The following NAB2 variants were observed in gnomAD, a reference collection of about 807,000 sequenced individuals.
The protein encoded by NAB2 is NGFI-A-binding protein 2.
Under a neutral mutation model 44.2 loss-of-function variants are expected in NAB2, and 9 were observed. The ratio of observed to expected loss-of-function variants is 0.20; its 90% CI spans 0.12 to 0.36. NAB2 has a LOEUF of 0.36. Ranked by LOEUF, NAB2 falls within the 10% of genes least tolerant of loss-of-function variation. NAB2 has a pLI of 1.00. For synonymous variants in NAB2, 342 were observed against 291.0 expected, an observed-to-expected ratio of 1.18 and a Z score of -1.78; for missense variants, 514 against 709.0, an observed-to-expected ratio of 0.73 and a Z score of 3.12.
chr12:57,094,791 C>A lies in NAB2; in HGVS notation c.*70C>A. On this transcript the variant is annotated 3_prime_UTR_variant, in exon 7 of 7. Coordinates refer to ENST00000300131, the MANE Select transcript of NAB2 (RefSeq NM_005967.4). The stretch of plus-strand genomic sequence containing the variant: ...TCACACAGACCCCCACGCTCTCCAT[C>A]CCCGGAATCTAGTCACAACCCTGGA... 7.8e-7 allele frequency: 1 copy of A among 1,285,436 alleles called. No individual in the cohort carries two copies. The highest frequency in any genetic ancestry group is 1.1e-6 in the Non-Finnish European group (1 of 930,368). The allele number at this position is 1,285,436 out of a possible 1,614,324, so 79.6% of individuals were successfully genotyped here.
intron 3 of NAB2, 53 bp downstream of exon 3, chr12:57,092,634 G>C (rs1171897299): frequency 1.2e-5 from 20 of 1,600,716 alleles, no homozygotes; most frequent in Admixed American, 1.7e-5. Flanking sequence ...TATGGAGTTA[G>C]ATCATGTCCT....
At chr12:57,093,274 G>A in intron 5 of NAB2, 79 bp downstream of exon 5, 1 of 1,499,728 alleles carries the variant, frequency 6.7e-7, no homozygotes, top group South Asian at 1.3e-5. Context: ...AGTGAGCCAG[G>A]AGGCAGTGCC....
At chr12:57,092,296 C>G in intron 2 of NAB2, 152 bp from the exon 3 acceptor site, 1 of 1,219,508 alleles carries the variant, frequency 8.2e-7, no homozygotes. Context: ...CCTCTGTCTT[C>G]CCACCTCAGA....
Position 57,094,528 on chromosome 12 carries a change from T to C in NAB2, c.1469-84T>C, listed in dbSNP as rs1273374478. On this transcript the variant is annotated intron_variant, in intron 6 of 6. Transcript: ENST00000300131. ...TAAACTGAGCCCATCTTCACAGCTT[T>C]CTTTGCCCCTGCTTCTGTTCCCAAC... The C allele has an allele frequency of 3.6e-6, 4 of 1,096,008 alleles. No individual in the cohort carries two copies. In the East Asian group the frequency reaches 1.0e-4, roughly 28 times the overall value. 67.9% of individuals were successfully genotyped at this position (1,096,008 alleles called of 1,614,324 possible). A position where few individuals can be genotyped will look rare whatever the true frequency, so the allele number is the denominator to read the frequency against.
rs2033195553 is a variant in NAB2, at chr12:57,091,869, G to A, written c.828G>A (p.Arg276=). 2 of 1,614,204 alleles carry A rather than the reference G, an allele frequency of 1.2e-6. No individual in the cohort carries two copies. The highest frequency in any genetic ancestry group is 1.7e-6 in the Non-Finnish European group (2 of 1,180,024). ...SLLKLNKKLA[R]SVGHIFEMDD... is the part of the protein sequence containing the mutation. ...TAAAGCTGAATAAGAAGCTGGCACG[G>A]AGCGTTGGGCACATCTTTGAGATGG... is the stretch of plus-strand genomic sequence containing the variant. The change falls in exon 2 of 7, where the codon CGG becomes CGA. Residue 276 remains arginine, a synonymous_variant. Transcript: ENST00000300131. The surrounding 1 kb of genome is among the most constrained non-coding windows in gnomAD (Gnocchi z 7.3).
At chr12:57,089,982 A>G (rs1479261285) in intron 1 of NAB2, among the ~76,000 whole-genome samples, 1 of 152,160 alleles carries the variant, frequency 6.6e-6, no homozygotes, top group Non-Finnish European at 1.5e-5. Flanking sequence ...TCGCCTACAG[A>G]CGCTACCACT....
At chr12:57,092,659 G>A in intron 3 of NAB2, 78 bp downstream of exon 3, 11 of 1,547,000 alleles carry the variant, frequency 7.1e-6, no homozygotes, top group Non-Finnish European at 7.9e-6. Flanking sequence ...TTCAGCTCAG[G>A]CAGCTCTAGG....
At chr12:57,090,203 C>T (rs1010020159) in intron 1 of NAB2, among the ~76,000 whole-genome samples, 5 of 152,094 alleles carry the variant, frequency 3.3e-5, no homozygotes, top group African/African-American at 9.7e-5. Flanking sequence ...TTAACCAGGC[C>T]GGGCGGGCCC....
In NAB2 at chr12:57,091,305, C is replaced by T. The variant is rs764780404; in HGVS notation, c.264C>T (p.Gly88=). ...TTCTGGAGATCATGGCACTTGTGGG[C>T]ATGGCCACCAAGCCCCTCCATGTCC... ...EEFLEIMALV[G]MATKPLHVRR... The change falls in exon 2 of 7, where the codon GGC becomes GGT. Residue 88 remains glycine, a synonymous_variant. Coordinates refer to ENST00000300131, the MANE Select transcript of NAB2 (RefSeq NM_005967.4). This position sits in a 1 kb window ranked among gnomAD's most constrained non-coding sequence, Gnocchi z 7.3. 6.2e-7 allele frequency: 1 copy of T among 1,611,190 alleles called. No individual in the cohort carries two copies. The highest frequency in any genetic ancestry group is 8.5e-7 in the Non-Finnish European group (1 of 1,177,476).
At chr12:57,092,881 C>T in intron 3 of NAB2, 36 bp from the exon 4 acceptor site, 1 of 1,612,628 alleles carries the variant, frequency 6.2e-7, no homozygotes, top group Non-Finnish European at 8.5e-7. Context: ...TGGCCCTCGT[C>T]AGCCTCATCC....
chr12:57,093,104 A>G lies in NAB2; in HGVS notation c.1185A>G (p.Pro395=), dbSNP rs762597382. 1.9e-6 allele frequency: 3 copies of G among 1,612,996 alleles called. No individual in the cohort carries two copies. The highest frequency in any genetic ancestry group is 2.5e-6 in the Non-Finnish European group (3 of 1,179,340). The change falls in exon 5 of 7, where the codon CCA becomes CCG. Residue 395 remains proline, a synonymous_variant. Transcript: ENST00000300131. ...ACCCTGAAATCCAGCAGCCTCCCCC[A>G]GGCCCTGAGTCCTATGTACCCCCAT... ...QSHPEIQQPP[P]GPESYVPPYR... is the part of the protein sequence containing the mutation.
rs1382752841 is a variant in NAB2, at chr12:57,093,553, G to A, written c.1423G>A (p.Val475Met). The change falls in exon 6 of 7, where the codon GTG becomes ATG. Residue 475 changes from valine (V) to methionine (M), a missense_variant. Around this residue, in one of 5 missense-constraint regions of NAB2, gnomAD observed 194 missense variants for 223.9 expected, o/e 0.87. Coordinates refer to ENST00000300131, the MANE Select transcript of NAB2 (RefSeq NM_005967.4). ...RLARLVSHDR[V>M]GRLSPCVPAK... ...CGCCCGCCTCGTCTCCCACGACCGC[G>A]TGGGCCGCCTCAGCCCCTGTGTGCC... is the stretch of plus-strand genomic sequence containing the variant. 6 of 1,546,208 alleles carry A rather than the reference G, an allele frequency of 3.9e-6. No homozygotes were observed. The highest frequency in any genetic ancestry group is 1.4e-5 in the African/African-American group (1 of 73,208).
In NAB2 at chr12:57,094,938, C is replaced by T; in HGVS notation, c.*217C>T. 1 of 567,244 alleles carries T rather than the reference C, an allele frequency of 1.8e-6. No individual in the cohort carries two copies. Among genetic ancestry groups the T allele is most frequent in the Admixed American group, 3.3e-5 (1 of 30,556 alleles). 35.1% of individuals were successfully genotyped at this position (567,244 alleles called of 1,614,324 possible). ...CAAGGAGGGTGCGTGGTGCCCTCAC[C>T]CCTGCCCAGAGCGAGGGGGCAAGGA... On this transcript the variant is annotated 3_prime_UTR_variant, in exon 7 of 7. Coordinates refer to ENST00000300131, the MANE Select transcript of NAB2 (RefSeq NM_005967.4).
At position 57,089,197 on chromosome 12, in the gene NAB2, G is replaced by A; in HGVS notation, c.-75G>A. 1 of 1,442,408 alleles carries A rather than the reference G, an allele frequency of 6.9e-7. No individual in the cohort carries two copies. The highest frequency in any genetic ancestry group is 2.5e-5 in the East Asian group (1 of 40,390). The allele number at this position is 1,442,408 out of a possible 1,614,324, so 89.4% of individuals were successfully genotyped here. A position where few individuals can be genotyped will look rare whatever the true frequency, so the allele number is the denominator to read the frequency against. ...AGCGGTGGACACGGCATCGTGCGCG[G>A]GGAAGAGGGCAGCACGCAGCAGGCG... is the stretch of plus-strand genomic sequence containing the variant. On this transcript the variant is annotated 5_prime_UTR_variant, in exon 1 of 7. Coordinates refer to ENST00000300131, the MANE Select transcript of NAB2 (RefSeq NM_005967.4).
rs757901352 is a variant in NAB2, at chr12:57,091,952, G to A, written c.911G>A (p.Arg304His). The A allele has an allele frequency of 1.2e-6, 2 of 1,613,532 alleles. No individual in the cohort carries two copies. The highest frequency in any genetic ancestry group is 2.2e-5 in the East Asian group (1 of 44,860). Residue 304 changes from arginine (R) to histidine (H), a missense_variant, in exon 2 of 7, where the codon CGT becomes CAT. This residue lies in a region of NAB2 where 53 missense variants were observed against 108.5 expected (regional missense o/e 0.49). Coordinates refer to ENST00000300131, the MANE Select transcript of NAB2 (RefSeq NM_005967.4). This position sits in a 1 kb window ranked among gnomAD's most constrained non-coding sequence, Gnocchi z 7.3. Reference protein sequence around the residue: ...EIRKYSIIYGRFDSKRREGKQ... With the variant: ...EIRKYSIIYGHFDSKRREGKQ... ...CGCAAATACAGCATCATCTATGGCC[G>A]TTTCGACTCTAAGCGGCGGGAGGGC...
intron 6 of NAB2, among the ~76,000 whole-genome samples, chr12:57,094,111 G>C (rs1475770596): frequency 3.3e-5 from 5 of 151,634 alleles, no homozygotes; most frequent in African/African-American, 4.9e-5. Context: ...TTTTTAAACT[G>C]TGCGTGGGTG....
At chr12:57,092,384 G>A in intron 2 of NAB2, 64 bp from the exon 3 acceptor site, 1 of 1,589,826 alleles carries the variant, frequency 6.3e-7, no homozygotes, top group African/African-American at 1.3e-5. Context: ...AGGGGTGTGA[G>A]GAGGTCTGGT....
rs1565673339 is a variant in NAB2, at chr12:57,091,884, C to T, written c.843C>T (p.Ile281=). 3.1e-6 allele frequency: 5 copies of T among 1,614,062 alleles called. No individual in the cohort carries two copies. Among genetic ancestry groups the T allele is most frequent in the African/African-American group, 1.3e-5 (1 of 74,916 alleles). Residue 281 remains isoleucine (I), a synonymous_variant, in exon 2 of 7, where the codon ATC becomes ATT. Transcript: ENST00000300131. The surrounding 1 kb of genome is among the most constrained non-coding windows in gnomAD (Gnocchi z 7.3). ...NKKLARSVGH[I]FEMDDNDSQK... is the part of the protein sequence containing the mutation. ...AGCTGGCACGGAGCGTTGGGCACAT[C>T]TTTGAGATGGATGATAATGACAGCC...
intron 3 of NAB2, 29 bp downstream of exon 3, chr12:57,092,610 G>T: frequency 1.2e-6 from 2 of 1,612,496 alleles, no homozygotes; most frequent in African/African-American, 1.3e-5. Flanking sequence ...GTCCTTCCTG[G>T]ACTGGAATCC....
Sources: gnomAD v4.1 joint callset for allele counts (sites outside exome capture counted in the v4.1 genomes callset) on GRCh38, gnomAD v4.1.1 for gene constraint, gnomAD v4.1.1 regional missense constraint, Gnocchi (gnomAD v3.1) non-coding constraint, MANE v1.5 for transcripts, NCBI Gene and HGNC (gene_info 2026-07-23, HGNC 2026-07-21) for gene names.